The following ASCC3 variants were observed in gnomAD, a reference collection of about 807,000 sequenced individuals.
ASCC3 encodes activating signal cointegrator 1 complex subunit 3.
ASCC3 carries 158 observed loss-of-function variants against 256.3 expected under a neutral mutation model. The ratio of observed to expected loss-of-function variants is 0.62; its 90% CI spans 0.54 to 0.70. The LOEUF (loss-of-function observed/expected upper bound fraction) is 0.70. ASCC3 is among the 30% of genes least tolerant of loss of function. The pLI, the probability that ASCC3 is intolerant of heterozygous loss-of-function variation, is 0.00. For synonymous variants in ASCC3, 948 were observed against 883.4 expected (o/e 1.07, Z -1.30); for missense variants, 2,259 against 2,626.0 (o/e 0.86, Z 3.05).
intron 30 of ASCC3, among the ~76,000 whole-genome samples, chr6:100,621,228 AG>A (rs2114845621): frequency 6.6e-6 from 1 of 152,340 alleles, no homozygotes; most frequent in Admixed American, 6.5e-5. Flanking sequence ...AAACTAATGC[AG>A]GAACAGAAAA....
At chr6:100,843,310 C>T (rs1478646634) in intron 4 of ASCC3, among the ~76,000 whole-genome samples, 1 of 152,128 alleles carries the variant, frequency 6.6e-6, no homozygotes, top group Non-Finnish European at 1.5e-5. Context: ...ACATCAGACA[C>T]ATATCTGGAG....
In ASCC3 at chr6:100,508,876, A is replaced by C. The variant is rs1773621541; in HGVS notation, c.*510T>G. On this transcript the variant is annotated 3_prime_UTR_variant, in exon 42 of 42. Coordinates refer to ENST00000369162, the MANE Select transcript of ASCC3 (RefSeq NM_006828.4). ...TTATTAAACATTTATGACTACAAGAAATTCTTGAAGCTACTTCTACATGTG... is the reference window on the plus strand; with the variant it reads ...TTATTAAACATTTATGACTACAAGACATTCTTGAAGCTACTTCTACATGTG... 6.4e-6 allele frequency: 1 copy of C among 157,236 alleles called. No homozygotes were observed. 9.7% of individuals were successfully genotyped at this position (157,236 alleles called of 1,614,324 possible).
intron 14 of ASCC3, among the ~76,000 whole-genome samples, chr6:100,666,320 C>T (rs1487600650): frequency 3.9e-5 from 6 of 152,068 alleles, no homozygotes; most frequent in African/African-American, 1.4e-4. Flanking sequence ...AATATGATTT[C>T]ATTCCTCCAA....
chr6:100,549,732 A>AT (rs1562111481), intron 36 of ASCC3, among the ~76,000 whole-genome samples: 2 of 152,084 alleles, frequency 1.3e-5, no homozygotes, highest in East Asian at 3.9e-4. Flanking sequence ...TAAAAAAAAA[A>AT]TTTTCCTTCA....
At chr6:100,703,066 AT>A (rs1011514652) in intron 13 of ASCC3, among the ~76,000 whole-genome samples, 3 of 151,482 alleles carry the variant, frequency 2.0e-5, no homozygotes, top group Non-Finnish European at 4.4e-5. Context: ...TGCCATCTGG[AT>A]TTTTTTTTCT....
intron 14 of ASCC3, among the ~76,000 whole-genome samples, chr6:100,668,031 G>A (rs1243344405): frequency 1.3e-5 from 2 of 151,982 alleles, no homozygotes. Context: ...GAAGGAGCTG[G>A]CAAAATATGT....
rs1770344018 is a variant in ASCC3 at position 100,567,744 on chromosome 6, CT to C, written c.5550+21889del. 2.0e-5 allele frequency among the ~76,000 whole-genome samples: 3 copies of C among 152,078 alleles called. No individual in the cohort carries two copies. The South Asian group carries it at 6.2e-4, about 32-fold the overall frequency. The stretch of plus-strand genomic sequence containing the variant: ...GGACATGATTTCTTTTTTTTTGTGG[CT>C]GTGTAGTATTCCATGGTGTATATGT... On this transcript the variant is annotated intron_variant, in intron 36 of 41. Coordinates refer to ENST00000369162, the MANE Select transcript of ASCC3 (RefSeq NM_006828.4).
At chr6:100,605,818 T>A in intron 32 of ASCC3, 118 bp from the exon 33 acceptor site, 1 of 1,210,842 alleles carries the variant, frequency 8.3e-7, no homozygotes. Flanking sequence ...AATATTGTGA[T>A]AATATGTTTG....
intron 10 of ASCC3, among the ~76,000 whole-genome samples, chr6:100,742,056 T>C (rs1362592127): frequency 6.6e-6 from 1 of 152,190 alleles, no homozygotes; most frequent in Admixed American, 6.5e-5. Flanking sequence ...TGGGGTCCTT[T>C]TGTCAATGCT....
At chr6:100,835,708 G>A (rs192201689) in intron 4 of ASCC3, among the ~76,000 whole-genome samples, 173 of 152,170 alleles carry the variant, frequency 1.1e-3, no homozygotes, top group African/African-American at 3.9e-3. Context: ...GTAGTGTGAT[G>A]CCTCAAGATT....
chr6:100,556,767 G>T (rs981641467), intron 36 of ASCC3, among the ~76,000 whole-genome samples: 10 of 152,062 alleles, frequency 6.6e-5, no homozygotes, highest in African/African-American at 2.4e-4. Context: ...GATCACTCAG[G>T]AGACTGTCAG....
rs537010060 is a variant in ASCC3, at chr6:100,843,668, G to C, written c.801+4480C>G. Among the ~76,000 whole-genome samples the C allele has an allele frequency of 2.0e-5, 3 of 151,784 alleles. No homozygotes were observed. The East Asian group carries it at 5.8e-4, about 29-fold the overall frequency. On this transcript the variant is annotated intron_variant, in intron 4 of 41. Coordinates refer to ENST00000369162, the MANE Select transcript of ASCC3 (RefSeq NM_006828.4). ...ATTAACATCTTTTCCATCTTAACAA[G>C]AACTATTAATATCAGAACTCACTTC...
At chr6:100,548,458 T>C (rs1769107352) in intron 36 of ASCC3, among the ~76,000 whole-genome samples, 1 of 151,996 alleles carries the variant, frequency 6.6e-6, no homozygotes, top group Non-Finnish European at 1.5e-5. Context: ...ACTATATTAA[T>C]AGGAAACTTC....
intron 10 of ASCC3, among the ~76,000 whole-genome samples, chr6:100,735,727 C>A (rs1365568080): frequency 6.6e-6 from 1 of 152,092 alleles, no homozygotes; most frequent in Non-Finnish European, 1.5e-5. Context: ...AAGATCTCTA[C>A]ATACATACAC....
chr6:100,590,466 T>C (rs992926572), intron 34 of ASCC3, among the ~76,000 whole-genome samples: 4 of 152,184 alleles, frequency 2.6e-5, no homozygotes, highest in Non-Finnish European at 4.4e-5. Context: ...CCATGGCCTC[T>C]AGGGATCTGT....
chr6:100,606,304 CAG>C (rs1484508236), intron 32 of ASCC3, among the ~76,000 whole-genome samples: 1 of 152,038 alleles, frequency 6.6e-6, no homozygotes, highest in East Asian at 1.9e-4. Context: ...AATATCTTAA[CAG>C]AGTCTTCATG....
intron 12 of ASCC3, among the ~76,000 whole-genome samples, chr6:100,717,101 T>C (rs1779121022): frequency 6.6e-6 from 1 of 151,914 alleles, no homozygotes; most frequent in South Asian, 2.1e-4. Context: ...AACTCTCCCT[T>C]TGTGTACAAG....
At position 100,562,960 on chromosome 6, in the gene ASCC3, T is replaced by C. The variant is rs572277416; in HGVS notation, c.5551-22573A>G. 6.6e-5 allele frequency among the ~76,000 whole-genome samples: 10 copies of C among 152,194 alleles called. No individual in the cohort carries two copies. In the East Asian group the frequency reaches 1.9e-3, roughly 29 times the overall value. On this transcript the variant is annotated intron_variant, in intron 36 of 41. Transcript: ENST00000369162. ...TCATAGGCTAAAAAGGTTGCCATTT[T>C]TTTTTCAATTTCTATTTCCTTTATC...
In ASCC3 at chr6:100,661,979, A is replaced by G; in HGVS notation, c.2530T>C (p.Leu844=). The G allele has an allele frequency of 6.2e-7, 1 of 1,613,364 alleles. No individual in the cohort carries two copies. Among genetic ancestry groups the G allele is most frequent in the Non-Finnish European group, 8.5e-7 (1 of 1,179,484 alleles). The stretch of plus-strand genomic sequence containing the variant: ...CGACCAAATATCTGCATGACATCTA[A>G]AATTCCAAGGTCAACAAAGGAGCCT... ...KRGSFVDLGI[L]DVMQIFGRAG... The change falls in exon 16 of 42, where the codon TTA becomes CTA. Residue 844 remains leucine, a synonymous_variant. Coordinates refer to ENST00000369162, the MANE Select transcript of ASCC3 (RefSeq NM_006828.4).
Sources: gnomAD v4.1 joint callset for allele counts (sites outside exome capture counted in the v4.1 genomes callset) on GRCh38, gnomAD v4.1.1 for gene constraint, MANE v1.5 for transcripts, NCBI Gene and HGNC (gene_info 2026-07-23, HGNC 2026-07-21) for gene names.